CBLN2: variants seen among roughly 807,000 people sequenced by gnomAD.
CBLN2 encodes the protein cerebellin-2.
Under a neutral mutation model 15.0 loss-of-function variants are expected in CBLN2, and 7 were observed. The ratio of observed to expected loss-of-function variants is 0.47; its 90% CI spans 0.27 to 0.88. The LOEUF (loss-of-function observed/expected upper bound fraction) is 0.88. Among genes scored for constraint, CBLN2 ranks in the 40% least tolerant of loss-of-function variants. The probability of loss-of-function intolerance (pLI) is 0.14; values close to 1 mark genes in which losing one functional copy is unlikely to be tolerated. For synonymous variants in CBLN2, 149 were observed against 135.2 expected (o/e 1.10, Z -0.71); for missense variants, 242 against 304.5 (o/e 0.79, Z 1.53).
chr18:72,559,820 G>T (rs1365892941), intron 1 of CBLN2, among the ~76,000 whole-genome samples: 1 of 152,220 alleles, frequency 6.6e-6, no homozygotes, highest in Non-Finnish European at 1.5e-5. Flanking sequence ...TTGAAATGCA[G>T]TCTCTTGGGG....
At chr18:72,581,477 G>A (rs1354808887) in intron 1 of CBLN2, among the ~76,000 whole-genome samples, 2 of 152,098 alleles carry the variant, frequency 1.3e-5, no homozygotes, top group Non-Finnish European at 2.9e-5. Context: ...TTACTGATAA[G>A]GTGAAGCACA....
chr18:72,593,628 G>C (rs1472190675), intron 1 of CBLN2, among the ~76,000 whole-genome samples: 1 of 152,218 alleles, frequency 6.6e-6, no homozygotes, highest in South Asian at 2.1e-4. Context: ...CTTTGAGTAT[G>C]ATACTAGCTC....
At chr18:72,549,993 T>C (rs1397871040) in intron 1 of CBLN2, among the ~76,000 whole-genome samples, 1 of 152,182 alleles carries the variant, frequency 6.6e-6, no homozygotes, top group African/African-American at 2.4e-5. Flanking sequence ...GATTTATATT[T>C]GGATCTGCTA....
At chr18:72,577,981 G>T (rs1180334457) in intron 1 of CBLN2, among the ~76,000 whole-genome samples, 1 of 152,078 alleles carries the variant, frequency 6.6e-6, no homozygotes, top group Admixed American at 6.5e-5. Context: ...TCATTTTTCT[G>T]TAGTTGGCAT....
Position 72,602,936 on chromosome 18 carries a change from CT to C in CBLN2, c.15+35388del, listed in dbSNP as rs532471754. On this transcript the variant is annotated intron_variant, in intron 1 of 2. Coordinates refer to the CBLN2 transcript ENST00000581073. ...CTGGTTGAACCCTACCTGATTCCACCTTTTTGTTTTCTCCTTCCATGGTGTG... is the reference window on the plus strand; with the variant it reads ...CTGGTTGAACCCTACCTGATTCCACCTTTTGTTTTCTCCTTCCATGGTGTG... Among the ~76,000 whole-genome samples, 213 of 152,302 alleles carry C rather than the reference CT, an allele frequency of 1.4e-3. 1 individual carries two copies. The highest frequency in any genetic ancestry group is 5.0e-3 in the African/African-American group (209 of 41,570).
chr18:72,629,170 T>C (rs2069759260), intron 1 of CBLN2, among the ~76,000 whole-genome samples: 1 of 152,144 alleles, frequency 6.6e-6, no homozygotes, highest in African/African-American at 2.4e-5. Context: ...CTGGTCTTCT[T>C]TTAAGAATAA....
chr18:72,558,519 C>T (rs1275408476), intron 1 of CBLN2, among the ~76,000 whole-genome samples: 1 of 152,108 alleles, frequency 6.6e-6, no homozygotes, highest in East Asian at 1.9e-4. Context: ...TCTTGGAGAT[C>T]TCAAAATGTG....
chr18:72,556,858 G>GA (rs950911768), intron 1 of CBLN2, among the ~76,000 whole-genome samples: 47 of 150,112 alleles, frequency 3.1e-4, no homozygotes, highest in African/African-American at 4.4e-4. Context: ...CAGGGGTCAG[G>GA]AAAAAAAAAC....
upstream of CBLN2, among the ~76,000 whole-genome samples, chr18:72,544,880 T>C (rs1215925545): frequency 6.6e-6 from 1 of 151,032 alleles, no homozygotes; most frequent in Non-Finnish European, 1.5e-5. Context: ...ACAATCAATA[T>C]TTAAATCTAC....
intron 1 of CBLN2, among the ~76,000 whole-genome samples, chr18:72,615,317 C>T (rs1487730368): frequency 7.1e-6 from 1 of 141,298 alleles, no homozygotes; most frequent in East Asian, 2.0e-4. Context: ...CTCTTTGTTG[C>T]CCAGGCTGGA....
chr18:72,598,586 C>G (rs761134578), intron 1 of CBLN2, among the ~76,000 whole-genome samples: 13 of 152,190 alleles, frequency 8.5e-5, no homozygotes, highest in Non-Finnish European at 1.8e-4. Context: ...ACATGCCCCC[C>G]AAATCCACTG....
At chr18:72,618,788 G>A (rs2069679995) in intron 1 of CBLN2, 3 of 733,354 alleles carry the variant, frequency 4.1e-6, no homozygotes, top group South Asian at 2.7e-5. Flanking sequence ...GGCCACAACT[G>A]TAAAGTTAGG....
chr18:72,601,842 C>T (rs1419279763), intron 1 of CBLN2, among the ~76,000 whole-genome samples: 3 of 152,168 alleles, frequency 2.0e-5, no homozygotes, highest in Non-Finnish European at 2.9e-5. Flanking sequence ...TACAATAAAC[C>T]TATGTTACTG....
Position 72,541,843 on chromosome 18 carries a change from G to C in CBLN2, c.318C>G (p.Ser106=), listed in dbSNP as rs144009820. The change falls in exon 3 of 5, where the codon TCC becomes TCG. Residue 106 remains serine, a synonymous_variant. Transcript: ENST00000269503. The stretch of plus-strand genomic sequence containing the variant: ...TGGTCATGGTGCGGTTGCTCATCTC[G>C]GACGGCTCGTGGTTGGTGCTCCGCG... The part of the protein sequence containing the change: ...SATRSTNHEP[S]EMSNRTMTIY... 32 of 1,591,430 alleles carry C rather than the reference G, an allele frequency of 2.0e-5. No individual in the cohort carries two copies. Among genetic ancestry groups the C allele is most frequent in the Middle Eastern group, 3.3e-4 (2 of 6,030 alleles).
chr18:72,591,441 C>T (rs1190051860), intron 1 of CBLN2, among the ~76,000 whole-genome samples: 1 of 152,052 alleles, frequency 6.6e-6, no homozygotes, highest in Non-Finnish European at 1.5e-5. Context: ...GTGTAATAAT[C>T]ACATCACTGT....
intron 3 of CBLN2, 105 bp from the exon 4 acceptor site, chr18:72,538,877 G>A (rs1044905219): frequency 1.4e-6 from 2 of 1,454,560 alleles, no homozygotes; most frequent in East Asian, 2.4e-5. Flanking sequence ...ATCAGCGGCT[G>A]GGAACACAAA....
Position 72,598,478 on chromosome 18 carries a change from C to A in CBLN2, c.15+39847G>T, listed in dbSNP as rs557353534. Among the ~76,000 whole-genome samples the A allele has an allele frequency of 3.3e-5, 5 of 152,320 alleles. No homozygotes were observed. The South Asian group carries it at 1.0e-3, about 32-fold the overall frequency. ...CCTCTCCTTAAGCCTACAAAAGAGG[C>A]CTCTCCTGGAGCAGTGAACTGCATT... is the stretch of plus-strand genomic sequence containing the variant. On this transcript the variant is annotated intron_variant, in intron 1 of 2. Coordinates refer to the CBLN2 transcript ENST00000581073.
chr18:72,569,277 T>C (rs2069315126), intron 1 of CBLN2, among the ~76,000 whole-genome samples: 1 of 152,038 alleles, frequency 6.6e-6, no homozygotes, highest in Admixed American at 6.6e-5. Flanking sequence ...ACCACTAAAA[T>C]TGTAATATAG....
At chr18:72,571,220 AT>A (rs1032355144) in intron 1 of CBLN2, among the ~76,000 whole-genome samples, 24 of 152,142 alleles carry the variant, frequency 1.6e-4, no homozygotes, top group African/African-American at 4.8e-4. Flanking sequence ...TGCAATATCA[AT>A]TTTTTGAGCA....
Sources: gnomAD v4.1 joint callset for allele counts (sites outside exome capture counted in the v4.1 genomes callset) on GRCh38, gnomAD v4.1.1 for gene constraint, MANE v1.5 for transcripts, NCBI Gene and HGNC (gene_info 2026-07-23, HGNC 2026-07-21) for gene names.